The following CHD6 variants were observed in gnomAD, a reference collection of about 807,000 sequenced individuals.
CHD6 encodes the protein ATP-dependent chromatin remodeler CHD6.
In CHD6, 50 loss-of-function variants were observed where a neutral mutation model predicts 276.9. The ratio of observed to expected loss-of-function variants is 0.18; its 90% CI spans 0.14 to 0.23. CHD6 has a LOEUF of 0.23. Among genes scored for constraint, CHD6 ranks in the 10% least tolerant of loss-of-function variants. The pLI, the probability that CHD6 is intolerant of heterozygous loss-of-function variation, is 1.00. For missense variants in CHD6, 2,564 were observed against 3,365.8 expected (o/e 0.76, Z 5.89); for synonymous variants, 1,173 against 1,229.3 (o/e 0.95, Z 0.96).
intron 1 of CHD6, among the ~76,000 whole-genome samples, chr20:41,589,975 C>A (rs989210146): frequency 2.8e-5 from 4 of 141,452 alleles, no homozygotes; most frequent in African/African-American, 1.1e-4. Context: ...TACTACAAGG[C>A]TACAGTAACC....
At chr20:41,408,566 C>T (rs2046750204) in intron 36 of CHD6, among the ~76,000 whole-genome samples, 1 of 152,212 alleles carries the variant, frequency 6.6e-6, no homozygotes, top group South Asian at 2.1e-4. Context: ...AGCACAGTCT[C>T]AGTCCCTTGC....
intron 5 of CHD6, among the ~76,000 whole-genome samples, chr20:41,506,238 T>C (rs919268849): frequency 3.3e-5 from 5 of 152,206 alleles, no homozygotes; most frequent in African/African-American, 9.7e-5. Flanking sequence ...CCCTTTTTAT[T>C]ATGCTCCGCT....
Position 41,421,019 on chromosome 20 carries a change from TTCC to T in CHD6, c.5613_5615del (p.Glu1872del), listed in dbSNP as rs769402519. On this transcript the variant is annotated inframe_deletion, in exon 31 of 37. Coordinates refer to ENST00000373233, the MANE Select transcript of CHD6 (RefSeq NM_032221.5). ...CCATGGCTAAGTTTTCCTCCTCGTT[TTCC>T]TCCTCTTCTTCCTCCTCATCACTGT... The T allele has an allele frequency of 4.8e-5, 77 of 1,613,788 alleles. No homozygotes were observed. Among genetic ancestry groups the T allele is most frequent in the Non-Finnish European group, 6.1e-5 (72 of 1,179,950 alleles).
chr20:41,440,560 A>G (rs923542875), intron 25 of CHD6, among the ~76,000 whole-genome samples: 1 of 152,172 alleles, frequency 6.6e-6, no homozygotes, highest in African/African-American at 2.4e-5. Flanking sequence ...AAATATAAAG[A>G]GAACTACGAT....
intron 31 of CHD6, among the ~76,000 whole-genome samples, chr20:41,420,230 A>C (rs1008196121): frequency 6.6e-6 from 1 of 152,212 alleles, no homozygotes; most frequent in Non-Finnish European, 1.5e-5. Flanking sequence ...AACACCATAC[A>C]TAGCATCTAT....
At chr20:41,512,776 G>A in intron 5 of CHD6, 70 bp downstream of exon 5, 1 of 1,572,106 alleles carries the variant, frequency 6.4e-7, no homozygotes, top group Non-Finnish European at 8.7e-7. Flanking sequence ...CAAAGGCCAA[G>A]AAACACGTCT....
chr20:41,530,798 C>A (rs1483994549), intron 3 of CHD6, among the ~76,000 whole-genome samples: 1 of 152,138 alleles, frequency 6.6e-6, no homozygotes, highest in African/African-American at 2.4e-5. Context: ...GTAACTTGTC[C>A]ACATTTTTAA....
chr20:41,433,526 AGG>A (rs2047609458), intron 27 of CHD6, among the ~76,000 whole-genome samples: 1 of 152,168 alleles, frequency 6.6e-6, no homozygotes. Flanking sequence ...TTGGGAACAA[AGG>A]GGATATTAAG....
chr20:41,515,590 A>T (rs2044230447), intron 3 of CHD6, among the ~76,000 whole-genome samples: 1 of 152,188 alleles, frequency 6.6e-6, no homozygotes, highest in Non-Finnish European at 1.5e-5. Flanking sequence ...CTAGCTGGTA[A>T]AATCTCTTTC....
intron 1 of CHD6, among the ~76,000 whole-genome samples, chr20:41,579,101 G>C (rs1245618959): frequency 7.7e-6 from 1 of 129,742 alleles, no homozygotes; most frequent in African/African-American, 3.1e-5. Flanking sequence ...CTGCACTCCA[G>C]CCTGGGCAAC....
intron 17 of CHD6, among the ~76,000 whole-genome samples, chr20:41,461,023 G>A (rs771105073): frequency 6.6e-6 from 1 of 152,240 alleles, no homozygotes; most frequent in Non-Finnish European, 1.5e-5. Flanking sequence ...GAGACCTGAA[G>A]TCAAAGGAGA....
intron 17 of CHD6, among the ~76,000 whole-genome samples, chr20:41,463,164 TAAA>T (rs999168804): frequency 2.0e-5 from 3 of 151,748 alleles, no homozygotes; most frequent in African/African-American, 7.3e-5. Context: ...ACTCACTAAA[TAAA>T]AAAAGAACCC....
chr20:41,579,372 A>C (rs2045510825), intron 1 of CHD6, among the ~76,000 whole-genome samples: 1 of 147,882 alleles, frequency 6.8e-6, no homozygotes, highest in African/African-American at 2.5e-5. Flanking sequence ...CAGGAGGTAG[A>C]GGTTGCAGTA....
intron 5 of CHD6, among the ~76,000 whole-genome samples, chr20:41,508,268 A>G (rs1005743776): frequency 7.2e-5 from 11 of 152,228 alleles, no homozygotes; most frequent in Admixed American, 2.0e-4. Context: ...GAGAGAAAGC[A>G]TTACACAAAA....
intron 17 of CHD6, among the ~76,000 whole-genome samples, chr20:41,465,013 T>C (rs1461775477): frequency 6.6e-6 from 1 of 152,078 alleles, no homozygotes; most frequent in Non-Finnish European, 1.5e-5. Context: ...TATAAATAAA[T>C]GGGAGACAAA....
intron 17 of CHD6, among the ~76,000 whole-genome samples, chr20:41,471,035 T>A (rs1265747492): frequency 1.3e-5 from 2 of 152,246 alleles, no homozygotes; most frequent in African/African-American, 4.8e-5. Context: ...CCGAGAACTT[T>A]GTAACTGTCA....
chr20:41,601,642 C>A (rs1272200773), intron 1 of CHD6, among the ~76,000 whole-genome samples: 1 of 152,136 alleles, frequency 6.6e-6, no homozygotes, highest in Non-Finnish European at 1.5e-5. Context: ...ATCTTCAATG[C>A]CCTGCATTTA....
intron 18 of CHD6, among the ~76,000 whole-genome samples, chr20:41,456,590 T>A (rs574710190): frequency 3.9e-5 from 6 of 152,168 alleles, no homozygotes; most frequent in Non-Finnish European, 8.8e-5. Flanking sequence ...GTATTATACT[T>A]AGCAACATAT....
chr20:41,405,578 G>A, intron 36 of CHD6, 89 bp from the exon 37 acceptor site: 2 of 1,019,432 alleles, frequency 2.0e-6, no homozygotes, highest in South Asian at 1.7e-5. Flanking sequence ...GCACTGGCCT[G>A]GCCTGTCTCC....
Sources: gnomAD v4.1 joint callset for allele counts (sites outside exome capture counted in the v4.1 genomes callset) on GRCh38, gnomAD v4.1.1 for gene constraint, MANE v1.5 for transcripts, NCBI Gene and HGNC (gene_info 2026-07-23, HGNC 2026-07-21) for gene names.